Variants in TLN1 observed in about 807,000 individuals in gnomAD.
TLN1 encodes the protein talin 1, also known as talin-1.
A neutral mutation model predicts 292.3 loss-of-function variants in TLN1; 56 were observed. The ratio of observed to expected loss-of-function variants is 0.19; its 90% CI spans 0.15 to 0.24. The LOEUF (loss-of-function observed/expected upper bound fraction) is 0.24, where lower values mean the gene tolerates loss of function less well. TLN1 is among the 10% of genes least tolerant of loss of function. TLN1 has a pLI of 1.00. For synonymous variants in TLN1, 1,119 were observed against 1,253.7 expected, an observed-to-expected ratio of 0.89 and a Z score of 2.27; for missense variants, 2,433 against 3,248.2, an observed-to-expected ratio of 0.75 and a Z score of 6.10.
intron 1 of TLN1, among the ~76,000 whole-genome samples, chr9:35,728,051 G>A (rs544482395): frequency 6.6e-6 from 1 of 152,226 alleles, no homozygotes; most frequent in Admixed American, 6.5e-5. Flanking sequence ...TGATGGAACA[G>A]CAACTCCCCA....
In TLN1 at chr9:35,699,018, G is replaced by T. The variant is rs1825417850; in HGVS notation, c.6999+14C>A. 1 of 1,606,800 alleles carries T rather than the reference G, an allele frequency of 6.2e-7. No homozygotes were observed. Among genetic ancestry groups the T allele is most frequent in the Admixed American group, 1.7e-5 (1 of 59,732 alleles). On this transcript the variant is annotated intron_variant, in intron 52 of 56. Coordinates refer to ENST00000314888, the MANE Select transcript of TLN1 (RefSeq NM_006289.4). The surrounding 1 kb of genome is among the most constrained non-coding windows in gnomAD (Gnocchi z 4.0). The stretch of plus-strand genomic sequence containing the variant: ...GCCATGGTGAGGGTGGAAGAGGAAG[G>T]GAGCAGGACTGACCTTGGGTTTGGC...
At chr9:35,726,449 T>C (rs1825980081) in intron 1 of TLN1, among the ~76,000 whole-genome samples, 2 of 152,230 alleles carry the variant, frequency 1.3e-5, no homozygotes, top group South Asian at 2.1e-4. Context: ...TCTCCTGCTG[T>C]GTCCTGCTGG....
chr9:35,714,270 G>A lies in TLN1; in HGVS notation c.3089C>T (p.Ala1030Val), dbSNP rs764011686. Residue 1030 changes from alanine to valine, a missense_variant, in exon 24 of 57, where the codon GCG (alanine) becomes GTG (valine). This residue lies in a region of TLN1 where 1,384 missense variants were observed against 1,699.6 expected (regional missense o/e 0.81). Transcript: ENST00000314888. The surrounding 1 kb of genome is among the most constrained non-coding windows in gnomAD (Gnocchi z 4.6). The part of the protein sequence containing the change: ...LSQCAKNLGT[A>V]LAELRTAAQK... Reference sequence around the variant, plus strand: ...GGCAGCCGTCCGGAGTTCAGCCAGCGCGGTGCCCAGGTTCTTGGCACACTG... The same window carrying A: ...GGCAGCCGTCCGGAGTTCAGCCAGCACGGTGCCCAGGTTCTTGGCACACTG... The A allele has an allele frequency of 9.9e-6, 16 of 1,613,254 alleles. No homozygotes were observed. Among genetic ancestry groups the A allele is most frequent in the African/African-American group, 1.3e-5 (1 of 74,928 alleles).
Position 35,699,607 on chromosome 9 carries a change from T to G in TLN1, c.6769-146A>C, listed in dbSNP as rs930385539. The G allele has an allele frequency of 7.0e-7, 1 of 1,428,054 alleles. No individual in the cohort carries two copies. The highest frequency in any genetic ancestry group is 1.5e-5 in the South Asian group (1 of 65,518). 88.5% of individuals were successfully genotyped at this position (1,428,054 alleles called of 1,614,324 possible). A position where few individuals can be genotyped will look rare whatever the true frequency, so the allele number is the denominator to read the frequency against. On this transcript the variant is annotated intron_variant, in intron 50 of 56. Transcript: ENST00000314888. This position sits in a 1 kb window ranked among gnomAD's most constrained non-coding sequence, Gnocchi z 4.0. ...TCAAACTCCACGCTGCCTATCCAAG[T>G]ACACATCATGCATCACACCTCACAC...
intron 3 of TLN1, 75 bp downstream of exon 3, chr9:35,725,149 T>C: frequency 6.4e-7 from 1 of 1,560,016 alleles, no homozygotes; most frequent in South Asian, 1.1e-5. Context: ...CAGATGTGGG[T>C]GCTGAAAACA....
Position 35,707,083 on chromosome 9 carries a change from A to C in TLN1, c.4944T>G (p.Ile1648Met). ...RTVSDSIKKL[I>M]TSMRDKAPGQ... ...CCATCCCTCAATACCTCATGCTTGT[A>C]ATTAGCTTCTTGATGGAGTCTGAGA... Residue 1648 changes from isoleucine to methionine, a missense_variant, in exon 37 of 57, where the codon ATT (isoleucine) becomes ATG (methionine). Ile to Met is a conservative substitution (Grantham distance 10, BLOSUM62 1). This residue lies in a region of TLN1 where 1,384 missense variants were observed against 1,699.6 expected (regional missense o/e 0.81). Transcript: ENST00000314888. This position sits in a 1 kb window ranked among gnomAD's most constrained non-coding sequence, Gnocchi z 5.6. 1 of 1,612,482 alleles carries C rather than the reference A, an allele frequency of 6.2e-7. No individual in the cohort carries two copies. The highest frequency in any genetic ancestry group is 8.5e-7 in the Non-Finnish European group (1 of 1,179,664).
intron 48 of TLN1, among the ~76,000 whole-genome samples, chr9:35,700,757 A>G (rs1825451363): frequency 6.6e-6 from 1 of 152,236 alleles, no homozygotes. Context: ...ATGGTGAAGA[A>G]AAGGTTATTG....
chr9:35,725,674 C>T lies in TLN1; in HGVS notation c.21G>A (p.Lys7=). The T allele has an allele frequency of 6.2e-7, 1 of 1,613,868 alleles. No homozygotes were observed. The highest frequency in any genetic ancestry group is 8.5e-7 in the Non-Finnish European group (1 of 1,179,928). The change falls in exon 2 of 57, where the codon AAG becomes AAA. Residue 7 remains lysine, a synonymous_variant. Transcript: ENST00000314888. MVALSL[K]ISIGNVVKTM... ...TCTTCACCACATTCCCAATGCTGAT[C>T]TTCAGTGAAAGTGCAACCATGGTGG...
At chr9:35,703,719 A>G (rs1262291199) in intron 47 of TLN1, 43 bp from the exon 48 acceptor site, 1 of 1,614,226 alleles carries the variant, frequency 6.2e-7, no homozygotes, top group Non-Finnish European at 8.5e-7. Context: ...TTTAAGGAAC[A>G]GGAGGAAGTA....
chr9:35,709,050 T>G (rs1316721244), intron 33 of TLN1, among the ~76,000 whole-genome samples: 1 of 152,232 alleles, frequency 6.6e-6, no homozygotes, highest in African/African-American at 2.4e-5. Context: ...GTAGCTTTGC[T>G]TTTTCCTCTA....
rs1448744596 is a variant in TLN1 at position 35,714,658 on chromosome 9, C to A, written c.2901G>T (p.Val967=). Residue 967 remains valine, a synonymous_variant, in exon 23 of 57, where the codon GTG becomes GTT. Transcript: ENST00000314888. The surrounding 1 kb of genome is among the most constrained non-coding windows in gnomAD (Gnocchi z 4.6). The stretch of plus-strand genomic sequence containing the variant: ...GGGCTTGGCTTCCTCGGACGCCCTG[C>A]ACCAGCAGTGGAATCTGCTCTGCCA... The part of the protein sequence containing the change: ...KAVAEQIPLL[V]QGVRGSQAQP... 4.3e-6 allele frequency: 7 copies of A among 1,614,036 alleles called. No individual in the cohort carries two copies. Among genetic ancestry groups the A allele is most frequent in the Non-Finnish European group, 5.9e-6 (7 of 1,180,042 alleles).
At position 35,717,218 on chromosome 9, in the gene TLN1, C is replaced by T. The variant is rs1825802579; in HGVS notation, c.2386G>A (p.Gly796Ser). The T allele has an allele frequency of 6.2e-7, 1 of 1,614,060 alleles. No homozygotes were observed. The highest frequency in any genetic ancestry group is 8.5e-7 in the Non-Finnish European group (1 of 1,179,906). ...GTGTCAGTAGCCTGGTCATAACGGC[C>T]AGCAGGCCCAGCCCCTGTGGCATGG... ...KAHATGAGPAGRYDQATDTIL... is the reference protein window; with the variant it reads ...KAHATGAGPASRYDQATDTIL... Residue 796 changes from glycine to serine, a missense_variant, in exon 19 of 57, where the codon GGC becomes AGC. Physicochemically the swap from Gly to Ser is moderately conservative, Grantham distance 56. Transcript: ENST00000314888. The surrounding 1 kb of genome is among the most constrained non-coding windows in gnomAD (Gnocchi z 4.7).
chr9:35,723,760 C>T (rs1385663556), intron 7 of TLN1, 192 bp downstream of exon 7: 1 of 768,136 alleles, frequency 1.3e-6, no homozygotes, highest in East Asian at 2.6e-5. Context: ...AGATACTGAA[C>T]TACATTCATA....
At position 35,718,872 on chromosome 9, in the gene TLN1, G is replaced by A; in HGVS notation, c.1935C>T (p.Gly645=). The A allele has an allele frequency of 1.2e-6, 2 of 1,613,504 alleles. No individual in the cohort carries two copies. The highest frequency in any genetic ancestry group is 1.7e-6 in the Non-Finnish European group (2 of 1,179,738). ...GTTGCAACAGCTCCCCACTGGCCTG[G>A]CCCACGTTCCCAGCTGCTTGCAGCA... is the stretch of plus-strand genomic sequence containing the variant. ...QNLLQAAGNV[G]QASGELLQQI... The change falls in exon 17 of 57, where the codon GGC becomes GGT. Residue 645 remains glycine (G), a synonymous_variant. Transcript: ENST00000314888.
At chr9:35,715,333 T>C (rs1825758434) in intron 20 of TLN1, 146 bp from the exon 21 acceptor site, 1 of 1,163,564 alleles carries the variant, frequency 8.6e-7, no homozygotes, top group South Asian at 1.6e-5. Context: ...GCAATCACCT[T>C]TGAGAGGAGC....
chr9:35,705,942 A>C lies in TLN1; in HGVS notation c.5511+20T>G, dbSNP rs1262307057. On this transcript the variant is annotated intron_variant, in intron 41 of 56. Transcript: ENST00000314888. ...GGCCCAGGGTAGCCTCAGTGTCCAA[A>C]GGCACCCCAAGACTCTAACCTGGTT... 6.2e-7 allele frequency: 1 copy of C among 1,614,040 alleles called. No homozygotes were observed. Among genetic ancestry groups the C allele is most frequent in the East Asian group, 2.2e-5 (1 of 44,882 alleles).
rs778298599 is a variant in TLN1, at chr9:35,719,147, A to G, written c.1823T>C (p.Leu608Pro). 3 of 1,614,160 alleles carry G rather than the reference A, an allele frequency of 1.9e-6. No individual in the cohort carries two copies. In the South Asian group the frequency reaches 3.3e-5, roughly 18 times the overall value. The change falls in exon 16 of 57, where the codon CTG becomes CCG. Residue 608 changes from leucine to proline, a missense_variant. Physicochemically the swap from Leu to Pro is moderately conservative, Grantham distance 98 (BLOSUM62 -3). Around this residue, in one of 7 missense-constraint regions of TLN1, gnomAD observed 617 missense variants for 770.6 expected, o/e 0.80. Coordinates refer to ENST00000314888, the MANE Select transcript of TLN1 (RefSeq NM_006289.4). This position sits in a 1 kb window ranked among gnomAD's most constrained non-coding sequence, Gnocchi z 4.6. ...LEDEGGSGRP[L>P]LQAAKGLAGA... Reference sequence around the variant, plus strand: ...CGCAAGGCCCTTTGCTGCCTGCAACAGGGGCCGACCACTGCCGCCTTCGTC... The same window carrying G: ...CGCAAGGCCCTTTGCTGCCTGCAACGGGGGCCGACCACTGCCGCCTTCGTC...
At chr9:35,729,601 T>A (rs1025895433) in intron 1 of TLN1, among the ~76,000 whole-genome samples, 7 of 152,162 alleles carry the variant, frequency 4.6e-5, no homozygotes, top group Non-Finnish European at 4.4e-5. Context: ...GGACACTGTA[T>A]TAGTACAAAT....
intron 48 of TLN1, among the ~76,000 whole-genome samples, chr9:35,701,219 G>C (rs1002838786): frequency 6.6e-6 from 1 of 152,210 alleles, no homozygotes; most frequent in Non-Finnish European, 1.5e-5. Context: ...GAAAGGAAGA[G>C]AGTAGGATGA....
Sources: allele counts gnomAD v4.1 joint callset (sites outside exome capture counted in the v4.1 genomes callset), GRCh38; gene constraint gnomAD v4.1.1; regional missense constraint gnomAD v4.1.1; non-coding constraint Gnocchi (gnomAD v3.1); transcripts MANE v1.5; gene names NCBI Gene and HGNC (gene_info 2026-07-23, HGNC 2026-07-21).